MAGI2: variants seen among roughly 807,000 people sequenced by gnomAD.
MAGI2 encodes the protein membrane associated guanylate kinase, WW and PDZ domain containing 2, also known as membrane-associated guanylate kinase, WW and PDZ domain-containing protein 2.
In MAGI2, 35 loss-of-function variants were observed where a neutral mutation model predicts 133.3. That is an observed-to-expected ratio of 0.26 (90% CI 0.20 to 0.35). The LOEUF is 0.35. MAGI2 is among the 10% of genes least tolerant of loss of function. The pLI is 1.00. For missense variants in MAGI2, 1,636 were observed against 1,863.4 expected, an observed-to-expected ratio of 0.88 and a Z score of 2.25; for synonymous variants, 729 against 710.6, an observed-to-expected ratio of 1.03 and a Z score of -0.41.
chr7:78,591,334 C>T (rs112525298), intron 3 of MAGI2, among the ~76,000 whole-genome samples: 16 of 152,242 alleles, frequency 1.1e-4, no homozygotes, highest in East Asian at 1.9e-4. Context: ...TAAACAAGAG[C>T]GGGTTAGAGA....
intron 9 of MAGI2, among the ~76,000 whole-genome samples, chr7:78,340,655 T>C (rs1790273349): frequency 6.6e-6 from 1 of 152,110 alleles, no homozygotes; most frequent in Non-Finnish European, 1.5e-5. Context: ...GTTCAACATA[T>C]GCAAATCAAT....
intron 6 of MAGI2, among the ~76,000 whole-genome samples, chr7:78,411,605 G>C (rs942498596): frequency 2.0e-5 from 3 of 151,892 alleles, no homozygotes; most frequent in Non-Finnish European, 4.4e-5. Flanking sequence ...ATTCTCAGAC[G>C]AAAGTGATAA....
chr7:78,253,633 C>T (rs1195604779), intron 10 of MAGI2: 1 of 152,154 alleles, frequency 6.6e-6, no homozygotes, highest in African/African-American at 2.4e-5. Flanking sequence ...CTTTCTGTGA[C>T]TATACATACA....
intron 2 of MAGI2, among the ~76,000 whole-genome samples, chr7:78,672,683 A>G (rs1035304209): frequency 6.6e-6 from 1 of 152,216 alleles, no homozygotes; most frequent in Non-Finnish European, 1.5e-5. Context: ...ACAGGCCAGG[A>G]GAATCAGTTT....
At chr7:78,784,225 T>C (rs1179547460) in intron 2 of MAGI2, among the ~76,000 whole-genome samples, 3 of 150,266 alleles carry the variant, frequency 2.0e-5, no homozygotes, top group African/African-American at 7.3e-5. Context: ...TTCTTACTAA[T>C]GTTGGGGCTC....
At chr7:79,030,327 T>C (rs111772811) in intron 1 of MAGI2, 9,533 of 151,462 alleles carry the variant, frequency 0.063, 321 homozygotes, top group Non-Finnish European at 0.079. Context: ...CACAAATCCA[T>C]GAAGCATTCC....
chr7:78,772,181 T>C lies in MAGI2; in HGVS notation c.419-144942A>G, dbSNP rs1825647555. Among the ~76,000 whole-genome samples the C allele has an allele frequency of 2.0e-5, 3 of 152,352 alleles. No homozygotes were observed. In the South Asian group the frequency reaches 6.2e-4, roughly 32 times the overall value. On this transcript the variant is annotated intron_variant, in intron 2 of 21. Transcript: ENST00000354212. ...TTTTTAATATCCAGTGGAGACCATC[T>C]CTTCTATCTCTACCACTGAATAGAA...
At chr7:79,270,405 A>G (rs564510541) in intron 1 of MAGI2, among the ~76,000 whole-genome samples, 2 of 152,194 alleles carry the variant, frequency 1.3e-5, no homozygotes, top group Non-Finnish European at 2.9e-5. Context: ...TTAGATGATC[A>G]GTTTCCTAAC....
intron 1 of MAGI2, among the ~76,000 whole-genome samples, chr7:79,030,080 G>A (rs1483495113): frequency 6.6e-6 from 1 of 152,134 alleles, no homozygotes; most frequent in East Asian, 1.9e-4. Context: ...TGGGTACTGG[G>A]CCCAAGACCT....
At chr7:78,987,085 C>G (rs1402605717) in intron 2 of MAGI2, among the ~76,000 whole-genome samples, 1 of 151,918 alleles carries the variant, frequency 6.6e-6, no homozygotes, top group East Asian at 1.9e-4. Context: ...AGAGTGGAAA[C>G]TTGGAGGGCA....
In MAGI2 at chr7:78,192,526, T is replaced by TTG. The variant is rs1332803936; in HGVS notation, c.2269+2347_2269+2348insCA. 2.0e-5 allele frequency among the ~76,000 whole-genome samples: 3 copies of TTG among 149,924 alleles called. No individual in the cohort carries two copies. In the East Asian group the frequency reaches 5.8e-4, roughly 29 times the overall value. ...GTACAGGAGGGCAAAAGGCTGTCTT[T>TTG]TTTTTTTTTTTTTAAGACACTCACA... On this transcript the variant is annotated intron_variant, in intron 12 of 21. Coordinates refer to ENST00000354212, the MANE Select transcript of MAGI2 (RefSeq NM_012301.4).
intron 2 of MAGI2, among the ~76,000 whole-genome samples, chr7:78,741,958 T>C (rs1462944785): frequency 6.6e-6 from 1 of 151,834 alleles, no homozygotes; most frequent in Non-Finnish European, 1.5e-5. Context: ...ATCCTAATAA[T>C]CCTGATTACT....
chr7:78,514,298 AATATT>A (rs1795858495), intron 4 of MAGI2, among the ~76,000 whole-genome samples: 1 of 151,162 alleles, frequency 6.6e-6, no homozygotes, highest in Non-Finnish European at 1.5e-5. Flanking sequence ...TATTAATAGT[AATATT>A]ATAATTACAA....
At chr7:79,026,551 T>C (rs532808569) in intron 1 of MAGI2, among the ~76,000 whole-genome samples, 2 of 152,164 alleles carry the variant, frequency 1.3e-5, no homozygotes, top group Non-Finnish European at 2.9e-5. Context: ...AACAACTCAA[T>C]AGCAAGATAA....
intron 9 of MAGI2, among the ~76,000 whole-genome samples, chr7:78,332,697 CA>C (rs35777998): frequency 0.016 from 1,818 of 117,152 alleles, 18 homozygotes; most frequent in African/African-American, 0.046. Context: ...GACTCCGTCT[CA>C]AAAAAAAAAA....
At chr7:78,575,569 A>G (rs1236995301) in intron 3 of MAGI2, among the ~76,000 whole-genome samples, 1 of 152,224 alleles carries the variant, frequency 6.6e-6, no homozygotes, top group African/African-American at 2.4e-5. Context: ...CCCCACAAGC[A>G]TCACTCAGTT....
intron 2 of MAGI2, among the ~76,000 whole-genome samples, chr7:78,714,642 T>C (rs1819529782): frequency 1.3e-5 from 2 of 152,188 alleles, no homozygotes; most frequent in South Asian, 2.1e-4. Context: ...TGTTGTACGT[T>C]ATCTGTATTA....
intron 6 of MAGI2, among the ~76,000 whole-genome samples, chr7:78,370,183 A>G (rs1206195016): frequency 1.3e-5 from 2 of 152,018 alleles, no homozygotes; most frequent in African/African-American, 4.8e-5. Flanking sequence ...AAAAATAACC[A>G]GTGTTAATAT....
At chr7:79,294,300 T>C (rs1836739671) in intron 1 of MAGI2, among the ~76,000 whole-genome samples, 1 of 151,864 alleles carries the variant, frequency 6.6e-6, no homozygotes, top group Admixed American at 6.6e-5. Flanking sequence ...CCAGAAAAGA[T>C]TAGGCTTGCG....
Sources: gnomAD v4.1 joint callset for allele counts (sites outside exome capture counted in the v4.1 genomes callset) on GRCh38, gnomAD v4.1.1 for gene constraint, MANE v1.5 for transcripts, NCBI Gene and HGNC (gene_info 2026-07-23, HGNC 2026-07-21) for gene names.